Variants in PKP4 observed in about 807,000 individuals in gnomAD.
PKP4 encodes the protein plakophilin 4, also known as plakophilin-4.
PKP4 carries 90 observed loss-of-function variants against 145.1 expected under a neutral mutation model. The ratio of observed to expected loss-of-function variants is 0.62; its 90% confidence interval spans 0.52 to 0.74. The LOEUF (loss-of-function observed/expected upper bound fraction) is 0.74. Among genes scored for constraint, PKP4 ranks in the 30% least tolerant of loss-of-function variants. PKP4 has a pLI of 0.00. For synonymous variants in PKP4, 563 were observed against 577.2 expected (o/e 0.98, Z 0.35); for missense variants, 1,340 against 1,482.7 (o/e 0.90, Z 1.58).
chr2:158,593,710 A>G lies in PKP4; in HGVS notation c.246-9360A>G, dbSNP rs193062941. ...TCGCCTTCAGGAGGCTGATCATGAT[A>G]TTGTTTATTTAAATCTTAACTTTCC... On this transcript the variant is annotated intron_variant, in intron 3 of 21. Transcript: ENST00000389759. 3.3e-4 allele frequency among the ~76,000 whole-genome samples: 50 copies of G among 152,290 alleles called. No homozygotes were observed. In the East Asian group the frequency reaches 5.0e-3, roughly 15 times the overall value.
chr2:158,603,205 T>G, intron 4 of PKP4, 101 bp downstream of exon 4: 2 of 631,100 alleles, frequency 3.2e-6, no homozygotes, highest in Non-Finnish European at 5.4e-6. Flanking sequence ...AAGCAAAGCC[T>G]TTAATAGTGA....
chr2:158,613,190 C>T (rs1330068999), intron 4 of PKP4, among the ~76,000 whole-genome samples: 2 of 152,128 alleles, frequency 1.3e-5, no homozygotes, highest in Non-Finnish European at 2.9e-5. Flanking sequence ...TGGGGTTTAA[C>T]GAGTCCCCAG....
chr2:158,481,248 T>C (rs1693310114), intron 1 of PKP4, among the ~76,000 whole-genome samples: 2 of 152,292 alleles, frequency 1.3e-5, no homozygotes, highest in Middle Eastern at 3.4e-3. Flanking sequence ...GTGTGAATAA[T>C]ATTCCATCAC....
chr2:158,531,400 C>A (rs2043531552), intron 1 of PKP4, among the ~76,000 whole-genome samples: 1 of 151,972 alleles, frequency 6.6e-6, no homozygotes, highest in Non-Finnish European at 1.5e-5. Context: ...TCTTTGCAAC[C>A]ATCTGCTTAT....
intron 1 of PKP4, among the ~76,000 whole-genome samples, chr2:158,475,739 A>ATTTGTTCAC (rs1327172198): frequency 6.6e-6 from 1 of 152,120 alleles, no homozygotes; most frequent in East Asian, 1.9e-4. Context: ...AGTAAGACCC[A>ATTTGTTCAC]TTTGTTCACT....
At chr2:158,519,597 A>G (rs191967123) in intron 1 of PKP4, among the ~76,000 whole-genome samples, 1 of 152,138 alleles carries the variant, frequency 6.6e-6, no homozygotes, top group East Asian at 1.9e-4. Flanking sequence ...CCATCCTCTA[A>G]AGCCAGCCTT....
chr2:158,537,293 T>G (rs575260532), intron 2 of PKP4, among the ~76,000 whole-genome samples: 2 of 152,350 alleles, frequency 1.3e-5, no homozygotes, highest in African/African-American at 4.8e-5. Flanking sequence ...ATATCTATGG[T>G]CAAATAATGA....
chr2:158,457,204 T>C lies in PKP4; in HGVS notation c.-20T>C, dbSNP rs1280478661. The C allele has an allele frequency of 6.6e-6, 1 of 151,356 alleles. No individual in the cohort carries two copies. The highest frequency in any genetic ancestry group is 1.5e-5 in the Non-Finnish European group (1 of 67,842). The allele number at this position is 151,356 out of a possible 1,614,324, so 9.4% of individuals were successfully genotyped here. ...TGATCCCTGGAGCGACGACGGCCGCTGCCTAAGCTGGAAAGTAAGTGTGTG... is the reference window on the plus strand; with the variant it reads ...TGATCCCTGGAGCGACGACGGCCGCCGCCTAAGCTGGAAAGTAAGTGTGTG... On this transcript the variant is annotated 5_prime_UTR_variant, in exon 1 of 22. Coordinates refer to ENST00000389759, the MANE Select transcript of PKP4 (RefSeq NM_003628.6).
intron 19 of PKP4, among the ~76,000 whole-genome samples, 194 bp from the exon 20 acceptor site, chr2:158,676,545 T>G (rs1249127343): frequency 6.6e-6 from 1 of 152,196 alleles, no homozygotes; most frequent in Non-Finnish European, 1.5e-5. Flanking sequence ...GTGGCAGGCC[T>G]GCATGCAGGT....
chr2:158,546,721 G>C lies in PKP4; in HGVS notation c.132+13405G>C, dbSNP rs1253854641. Among the ~76,000 whole-genome samples the C allele has an allele frequency of 2.6e-5, 4 of 152,182 alleles. No homozygotes were observed. The East Asian group carries it at 7.7e-4, about 29-fold the overall frequency. On this transcript the variant is annotated intron_variant, in intron 2 of 21. Transcript: ENST00000389759. ...GAGGTGGGCACAGGTTAAGGATAAA[G>C]AGCAAGGGGATGTGATTTACAGACA...
At chr2:158,542,941 GTACT>G (rs1270334326) in intron 2 of PKP4, among the ~76,000 whole-genome samples, 4 of 152,124 alleles carry the variant, frequency 2.6e-5, no homozygotes, top group African/African-American at 9.7e-5. Flanking sequence ...CAATTATTGA[GTACT>G]TACTATGTAT....
intron 1 of PKP4, among the ~76,000 whole-genome samples, chr2:158,498,215 T>C (rs542938225): frequency 3.9e-5 from 6 of 152,314 alleles, no homozygotes; most frequent in African/African-American, 1.2e-4. Flanking sequence ...TTTGAATTCC[T>C]GAGCTCAAGG....
intron 4 of PKP4, among the ~76,000 whole-genome samples, chr2:158,616,829 G>C (rs191644121): frequency 6.6e-6 from 1 of 152,080 alleles, no homozygotes; most frequent in African/African-American, 2.4e-5. Context: ...ACCCTGTTTC[G>C]TACAGCAAGA....
chr2:158,576,692 T>C (rs2047882069), intron 2 of PKP4, among the ~76,000 whole-genome samples: 1 of 152,206 alleles, frequency 6.6e-6, no homozygotes, highest in Admixed American at 6.5e-5. Flanking sequence ...TTGTGTTCCT[T>C]CTCTCCTTTG....
At chr2:158,679,993 G>A (rs757414940) in intron 21 of PKP4, among the ~76,000 whole-genome samples, 1 of 152,196 alleles carries the variant, frequency 6.6e-6, no homozygotes, top group Non-Finnish European at 1.5e-5. Flanking sequence ...AATTATCCAA[G>A]GCCCAGAAAC....
intron 4 of PKP4, among the ~76,000 whole-genome samples, chr2:158,618,234 T>G (rs2051837099): frequency 6.6e-6 from 1 of 152,206 alleles, no homozygotes; most frequent in African/African-American, 2.4e-5. Context: ...TGCTTTATAC[T>G]AAAGTTCATA....
intron 1 of PKP4, among the ~76,000 whole-genome samples, chr2:158,471,286 C>T (rs1285136714): frequency 6.6e-6 from 1 of 152,202 alleles, no homozygotes; most frequent in Admixed American, 6.5e-5. Flanking sequence ...CATGAATTTT[C>T]TTCCAGAATG....
intron 1 of PKP4, among the ~76,000 whole-genome samples, chr2:158,516,822 T>C (rs761172058): frequency 1.8e-4 from 27 of 151,876 alleles, no homozygotes; most frequent in South Asian, 6.2e-4. Flanking sequence ...CCACCATGCC[T>C]GGCTAATTTT....
intron 11 of PKP4, among the ~76,000 whole-genome samples, chr2:158,655,643 A>C (rs961952206): frequency 6.6e-6 from 1 of 152,240 alleles, no homozygotes; most frequent in Non-Finnish European, 1.5e-5. Context: ...GTGAAGTTGA[A>C]AATATCCTAT....
Sources: allele counts gnomAD v4.1 joint callset (sites outside exome capture counted in the v4.1 genomes callset), GRCh38; gene constraint gnomAD v4.1.1; transcripts MANE v1.5; gene names NCBI Gene and HGNC (gene_info 2026-07-23, HGNC 2026-07-21).